Variants in STPG2 observed in about 807,000 individuals in gnomAD.
STPG2 encodes the protein sperm-tail PG-rich repeat-containing protein 2.
A neutral mutation model predicts 54.2 loss-of-function variants in STPG2; 56 were observed. That is an observed-to-expected ratio of 1.03 (90% CI 0.83 to 1.29). STPG2 has a LOEUF of 1.29. Ranked by LOEUF, STPG2 falls within the 50% of genes most tolerant of loss-of-function variation. STPG2 has a pLI of 0.00. For missense variants in STPG2, 596 were observed against 544.9 expected (o/e 1.09, Z -0.93); for synonymous variants, 200 against 181.8 (o/e 1.10, Z -0.81).
intron 4 of STPG2, among the ~76,000 whole-genome samples, chr4:97,526,297 A>G (rs1731278973): frequency 6.6e-6 from 1 of 152,086 alleles, no homozygotes; most frequent in Admixed American, 6.6e-5. Context: ...GCCTGTGTTA[A>G]AGTTTGTATT....
At chr4:97,607,044 T>C (rs1733612899) in intron 10 of STPG2, among the ~76,000 whole-genome samples, 1 of 152,054 alleles carries the variant, frequency 6.6e-6, no homozygotes, top group African/African-American at 2.4e-5. Context: ...TACTTCTGGT[T>C]TTCCTTCAAA....
At chr4:97,560,873 C>T (rs1032667881) in intron 10 of STPG2, among the ~76,000 whole-genome samples, 2 of 152,152 alleles carry the variant, frequency 1.3e-5, no homozygotes, top group African/African-American at 4.8e-5. Context: ...GTGTTTGACT[C>T]ATTCTTGTCA....
intron 10 of STPG2, among the ~76,000 whole-genome samples, chr4:97,598,667 G>A (rs556984799): frequency 7.9e-5 from 12 of 152,096 alleles, no homozygotes; most frequent in Admixed American, 3.9e-4. Flanking sequence ...AACAAGCAAC[G>A]GGAAAATAAT....
In STPG2 at chr4:98,134,165, T is replaced by C. The variant is rs75901654; in HGVS notation, c.222+182A>G. Reference sequence around the variant, plus strand: ...AGAATATGTAGAATAATGAAAAACATCCAACCCAATCATGCAACCAACATT... The same window carrying C: ...AGAATATGTAGAATAATGAAAAACACCCAACCCAATCATGCAACCAACATT... On this transcript the variant is annotated intron_variant, in intron 2 of 10. Coordinates refer to ENST00000295268, the MANE Select transcript of STPG2 (RefSeq NM_174952.3). 2.1e-4 allele frequency among the ~76,000 whole-genome samples: 32 copies of C among 152,048 alleles called. No homozygotes were observed. In the East Asian group the frequency reaches 5.6e-3, roughly 27 times the overall value.
intron 5 of STPG2, among the ~76,000 whole-genome samples, chr4:98,037,449 G>T (rs949011815): frequency 3.3e-5 from 5 of 151,810 alleles, no homozygotes; most frequent in Non-Finnish European, 7.4e-5. Context: ...CAAAATTAAG[G>T]CTAGAAGATA....
At chr4:97,613,682 G>A (rs141110514) in intron 10 of STPG2, among the ~76,000 whole-genome samples, 1 of 151,834 alleles carries the variant, frequency 6.6e-6, no homozygotes, top group Admixed American at 6.6e-5. Context: ...CTGAACTGAT[G>A]TATATTTATT....
At chr4:97,509,935 C>G (rs186817106) in intron 4 of STPG2, among the ~76,000 whole-genome samples, 2 of 152,122 alleles carry the variant, frequency 1.3e-5, no homozygotes, top group East Asian at 1.9e-4. Flanking sequence ...ACAGAACACT[C>G]TACTAAGCAC....
At chr4:97,786,403 G>A (rs575831700) in intron 9 of STPG2, among the ~76,000 whole-genome samples, 1 of 151,764 alleles carries the variant, frequency 6.6e-6, no homozygotes, top group Non-Finnish European at 1.5e-5. Context: ...CTAAAGAGTC[G>A]ACATTTTTGA....
intron 10 of STPG2, among the ~76,000 whole-genome samples, chr4:97,607,281 T>C (rs768725071): frequency 1.1e-4 from 16 of 152,006 alleles, no homozygotes; most frequent in Non-Finnish European, 2.2e-4. Context: ...CCCTCTCTTT[T>C]TCTCTGCAAC....
At chr4:97,993,373 T>C (rs1470985988) in intron 5 of STPG2, among the ~76,000 whole-genome samples, 3 of 152,154 alleles carry the variant, frequency 2.0e-5, no homozygotes, top group African/African-American at 4.8e-5. Flanking sequence ...ATGTAGTATA[T>C]CACATTTATT....
chr4:97,642,326 T>A (rs1301889179), intron 10 of STPG2, among the ~76,000 whole-genome samples: 2 of 151,380 alleles, frequency 1.3e-5, no homozygotes, highest in African/African-American at 2.4e-5. Context: ...CTTTATAAAC[T>A]GAAAATATAC....
At chr4:97,522,299 T>C (rs1731199659) in intron 4 of STPG2, among the ~76,000 whole-genome samples, 1 of 152,016 alleles carries the variant, frequency 6.6e-6, no homozygotes, top group South Asian at 2.1e-4. Flanking sequence ...AGAGTTTACA[T>C]GTGTTTTTCT....
At chr4:97,461,419 A>G (rs986717135) in intron 4 of STPG2, among the ~76,000 whole-genome samples, 4 of 152,206 alleles carry the variant, frequency 2.6e-5, no homozygotes, top group Non-Finnish European at 4.4e-5. Context: ...AGGTAATTAG[A>G]TCACGATGGT....
intron 5 of STPG2, among the ~76,000 whole-genome samples, chr4:98,006,413 A>G (rs974383980): frequency 6.6e-6 from 1 of 152,198 alleles, no homozygotes; most frequent in African/African-American, 2.4e-5. Flanking sequence ...GACTGTGAGA[A>G]GTGAAGGCAC....
chr4:97,531,953 C>G lies in STPG2; in HGVS notation c.462+180746G>C, dbSNP rs779834162. On this transcript the variant is annotated intron_variant, in intron 4 of 4. Transcript: ENST00000522676. The stretch of plus-strand genomic sequence containing the variant: ...TGATGTGGTTATTACACATAAAATG[C>G]CTGTATCAAAATATCTAATGTACTC... 8.8e-4 allele frequency among the ~76,000 whole-genome samples: 134 copies of G among 152,190 alleles called. 1 individual carries two copies. Among genetic ancestry groups the G allele is most frequent in the Non-Finnish European group, 8.8e-4 (60 of 68,000 alleles).
At chr4:97,962,055 C>T (rs1016361643) in intron 7 of STPG2, among the ~76,000 whole-genome samples, 3 of 152,126 alleles carry the variant, frequency 2.0e-5, no homozygotes, top group African/African-American at 7.2e-5. Flanking sequence ...ATGGCATTCA[C>T]AGAAACCTGG....
intron 8 of STPG2, among the ~76,000 whole-genome samples, chr4:97,885,455 G>GA (rs1187622564): frequency 1.3e-5 from 2 of 152,116 alleles, no homozygotes; most frequent in Non-Finnish European, 2.9e-5. Context: ...ATAGAATTGT[G>GA]AAAAATGTAT....
intron 8 of STPG2, among the ~76,000 whole-genome samples, chr4:97,843,752 T>C (rs1374840968): frequency 6.6e-6 from 1 of 151,920 alleles, no homozygotes; most frequent in African/African-American, 2.4e-5. Context: ...GGTCAGCCTG[T>C]TTGTATTTTG....
intron 9 of STPG2, among the ~76,000 whole-genome samples, chr4:97,782,653 G>A (rs1253669869): frequency 6.6e-6 from 1 of 152,178 alleles, no homozygotes; most frequent in Non-Finnish European, 1.5e-5. Context: ...GAAAGCTAGA[G>A]GCATCATGCT....
Sources: gnomAD v4.1 joint callset for allele counts (sites outside exome capture counted in the v4.1 genomes callset) on GRCh38, gnomAD v4.1.1 for gene constraint, MANE v1.5 for transcripts, NCBI Gene and HGNC (gene_info 2026-07-23, HGNC 2026-07-21) for gene names.